SLC4A4: variants seen among roughly 807,000 people sequenced by gnomAD.
SLC4A4 encodes the protein electrogenic sodium bicarbonate cotransporter 1.
SLC4A4 carries 27 observed loss-of-function variants against 111.5 expected under a neutral mutation model. That is an observed-to-expected ratio of 0.24 (90% CI 0.18 to 0.33). The LOEUF is 0.33. Ranked by LOEUF, SLC4A4 falls within the 10% of genes least tolerant of loss-of-function variation. SLC4A4 has a pLI of 1.00. For synonymous variants in SLC4A4, 443 were observed against 463.4 expected, an observed-to-expected ratio of 0.96 and a Z score of 0.57; for missense variants, 909 against 1,315.5, an observed-to-expected ratio of 0.69 and a Z score of 4.78.
chr4:71,379,823 T>C (rs1364290877), intron 6 of SLC4A4, among the ~76,000 whole-genome samples: 1 of 152,154 alleles, frequency 6.6e-6, no homozygotes, highest in Non-Finnish European at 1.5e-5. Flanking sequence ...TTGTATGAAT[T>C]AGTTTTTTTT....
chr4:71,437,773 A>C, intron 7 of SLC4A4: 1 of 269,556 alleles, frequency 3.7e-6, no homozygotes, highest in Admixed American at 4.3e-5. Context: ...CTTGACAGTC[A>C]CCATCTTGGA....
At chr4:71,499,294 A>T (rs549336034) in intron 16 of SLC4A4, among the ~76,000 whole-genome samples, 1 of 152,182 alleles carries the variant, frequency 6.6e-6, no homozygotes, top group East Asian at 1.9e-4. Flanking sequence ...ATGAATGGAG[A>T]TCCTTTTTCT....
rs532147693 is a variant in SLC4A4 at position 71,264,940 on chromosome 4, A to G, written c.253+9541A>G. Among the ~76,000 whole-genome samples the G allele has an allele frequency of 5.9e-5, 9 of 152,338 alleles. No individual in the cohort carries two copies. In the South Asian group the frequency reaches 1.9e-3, roughly 32 times the overall value. ...GGCCATTTCAGTTAGATCAAATGCT[A>G]ACCAAAGTTTTCAAAAAGTGTGGCG... On this transcript the variant is annotated intron_variant, in intron 3 of 25. Transcript: ENST00000264485.
chr4:71,107,710 G>GT (rs35648709), intron 2 of SLC4A4, among the ~76,000 whole-genome samples: 2,287 of 148,452 alleles, frequency 0.015, 78 homozygotes, highest in African/African-American at 0.053. Flanking sequence ...TTTCTTTCTT[G>GT]TTTTTTTTTT....
intron 2 of SLC4A4, among the ~76,000 whole-genome samples, chr4:71,130,642 G>A (rs189192182): frequency 6.6e-6 from 1 of 152,064 alleles, no homozygotes; most frequent in Admixed American, 6.6e-5. Flanking sequence ...TTTTCAATAT[G>A]CTCTTAGCAT....
At chr4:71,455,078 G>A (rs1377981861) in intron 12 of SLC4A4, among the ~76,000 whole-genome samples, 1 of 152,214 alleles carries the variant, frequency 6.6e-6, no homozygotes, top group African/African-American at 2.4e-5. Context: ...AGAGGCAGTT[G>A]CCACTCAGCT....
At chr4:71,089,926 C>G (rs1486988747) in intron 1 of SLC4A4, among the ~76,000 whole-genome samples, 1 of 96,762 alleles carries the variant, frequency 1.0e-5, no homozygotes, top group Non-Finnish European at 2.7e-5. Flanking sequence ...TCAAAGCTGT[C>G]AGAAAAGGGC....
At chr4:71,339,621 A>G in intron 4 of SLC4A4, 116 bp downstream of exon 4, 1 of 957,672 alleles carries the variant, frequency 1.0e-6, no homozygotes, top group East Asian at 2.5e-5. Flanking sequence ...AATGGGCATG[A>G]TGTTGGCTGG....
At chr4:71,346,489 A>C (rs1190501266) in intron 4 of SLC4A4, among the ~76,000 whole-genome samples, 2 of 151,262 alleles carry the variant, frequency 1.3e-5, no homozygotes, top group African/African-American at 4.9e-5. Context: ...TGAAGGGGAG[A>C]TAGTGGCTTT....
chr4:71,413,386 T>C (rs1721559054), intron 7 of SLC4A4, among the ~76,000 whole-genome samples: 1 of 152,198 alleles, frequency 6.6e-6, no homozygotes, highest in African/African-American at 2.4e-5. Flanking sequence ...AGATTGTGTG[T>C]TTTACCTCAA....
At chr4:71,425,800 G>T (rs1723070964) in intron 7 of SLC4A4, among the ~76,000 whole-genome samples, 1 of 152,032 alleles carries the variant, frequency 6.6e-6, no homozygotes, top group Non-Finnish European at 1.5e-5. Flanking sequence ...CCATAGAAGG[G>T]AGTATCTGGG....
At chr4:71,243,953 G>A (rs1304549615) in intron 2 of SLC4A4, among the ~76,000 whole-genome samples, 8 of 151,964 alleles carry the variant, frequency 5.3e-5, no homozygotes, top group Non-Finnish European at 8.8e-5. Context: ...AAAAACTTCC[G>A]GGAATAAAAA....
At chr4:71,205,417 C>T (rs1458786070) in intron 1 of SLC4A4, among the ~76,000 whole-genome samples, 1 of 152,160 alleles carries the variant, frequency 6.6e-6, no homozygotes, top group Non-Finnish European at 1.5e-5. Flanking sequence ...TAAGGCCCCC[C>T]CATCCCCCAA....
At chr4:71,080,726 G>GTTT (rs1185402432) in intron 1 of SLC4A4, among the ~76,000 whole-genome samples, 1 of 152,046 alleles carries the variant, frequency 6.6e-6, no homozygotes, top group African/African-American at 2.4e-5. Flanking sequence ...TCTGGTGACT[G>GTTT]TTACTGCCCA....
rs201643562 is a variant in SLC4A4, at chr4:71,546,392, C to A, written c.2485C>A (p.Leu829Ile). ...YHLDLFWVAI[L>I]MVICSLMALP... ...CTTGGATCTCTTTTGGGTGGCCATCCTCATGGTTATATGCTCCCTCATGGC... is the reference window on the plus strand; with the variant it reads ...CTTGGATCTCTTTTGGGTGGCCATCATCATGGTTATATGCTCCCTCATGGC... The change falls in exon 19 of 26, where the codon CTC becomes ATC. Residue 829 changes from leucine (L) to isoleucine (I), a missense_variant. Leu to Ile is a conservative substitution (Grantham distance 5). Transcript: ENST00000264485. 4.3e-4 allele frequency: 686 copies of A among 1,612,880 alleles called. 1 individual carries two copies. The highest frequency in any genetic ancestry group is 6.1e-4 in the South Asian group (56 of 91,076).
chr4:71,370,178 G>C (rs780480555), intron 6 of SLC4A4, among the ~76,000 whole-genome samples: 1 of 152,198 alleles, frequency 6.6e-6, no homozygotes, highest in Non-Finnish European at 1.5e-5. Flanking sequence ...ACATTTGACA[G>C]ATGAAGAAAT....
rs568989731 is a variant in SLC4A4 at position 71,250,815 on chromosome 4, C to T, written c.74-4405C>T. 2.6e-5 allele frequency among the ~76,000 whole-genome samples: 4 copies of T among 152,238 alleles called. No homozygotes were observed. The South Asian group carries it at 8.3e-4, about 32-fold the overall frequency. ...AGTAGTGATGAAGCACTGTACTAGTCTTGATACTGAGAACAGAGACATATT... is the reference window on the plus strand; with the variant it reads ...AGTAGTGATGAAGCACTGTACTAGTTTTGATACTGAGAACAGAGACATATT... On this transcript the variant is annotated intron_variant, in intron 2 of 25. Transcript: ENST00000264485.
At chr4:71,090,217 G>C (rs891584219) in intron 1 of SLC4A4, among the ~76,000 whole-genome samples, 2 of 150,930 alleles carry the variant, frequency 1.3e-5, no homozygotes, top group African/African-American at 5.0e-5. Flanking sequence ...ATAATCTCCT[G>C]GTGTGCCATT....
intron 13 of SLC4A4, among the ~76,000 whole-genome samples, chr4:71,467,968 C>G (rs1400660540): frequency 2.0e-5 from 3 of 151,924 alleles, no homozygotes; most frequent in Non-Finnish European, 4.4e-5. Context: ...GACTTATGGA[C>G]TCATATATAG....
Sources: allele counts gnomAD v4.1 joint callset (sites outside exome capture counted in the v4.1 genomes callset), GRCh38; gene constraint gnomAD v4.1.1; transcripts MANE v1.5; gene names NCBI Gene and HGNC (gene_info 2026-07-23, HGNC 2026-07-21).